Variants in FHOD3 observed in about 807,000 individuals in gnomAD.
FHOD3 encodes the protein FH1/FH2 domain-containing protein 3.
FHOD3 carries 90 observed loss-of-function variants against 173.0 expected under a neutral mutation model. That is an observed-to-expected ratio of 0.52 (90% CI 0.44 to 0.62). The LOEUF is 0.62. FHOD3 is among the 20% of genes least tolerant of loss of function. The probability of loss-of-function intolerance (pLI) is 0.00; values close to 1 mark genes in which losing one functional copy is unlikely to be tolerated. For missense variants in FHOD3, 1,945 were observed against 2,034.7 expected, an observed-to-expected ratio of 0.96 and a Z score of 0.85; for synonymous variants, 828 against 823.0, an observed-to-expected ratio of 1.01 and a Z score of -0.10.
chr18:36,445,002 T>G (rs1046302658), intron 3 of FHOD3, among the ~76,000 whole-genome samples: 1 of 152,220 alleles, frequency 6.6e-6, no homozygotes, highest in African/African-American at 2.4e-5. Flanking sequence ...CCATGTAGTT[T>G]AGATGTTTCC....
chr18:36,684,487 GTC>G (rs1157286487), intron 15 of FHOD3, among the ~76,000 whole-genome samples: 2 of 151,606 alleles, frequency 1.3e-5, no homozygotes, highest in African/African-American at 4.8e-5. Flanking sequence ...ATGAAAAGAT[GTC>G]TCTGTAAAAA....
In FHOD3 at chr18:36,748,384, CACACACACACACA is replaced by C. The variant is rs1568723999; in HGVS notation, c.4232+1250_4232+1262del. ...CACGCGCACACACACACACACACAA[CACACACACACACA>C]CACACACACACACACACACACGGAG... is the stretch of plus-strand genomic sequence containing the variant. On this transcript the variant is annotated intron_variant, in intron 24 of 28. Coordinates refer to ENST00000590592, the MANE Select transcript of FHOD3 (RefSeq NM_001281740.3). Among the ~76,000 whole-genome samples, 46 of 89,004 alleles carry C rather than the reference CACACACACACACA, an allele frequency of 5.2e-4. 1 individual carries two copies. The highest frequency in any genetic ancestry group is 1.9e-3 in the African/African-American group (43 of 22,254). The allele number at this position is 89,004 out of a possible 152,430, so 58.4% of individuals were successfully genotyped here.
At chr18:36,591,306 G>A (rs1004548489) in intron 6 of FHOD3, among the ~76,000 whole-genome samples, 3 of 152,204 alleles carry the variant, frequency 2.0e-5, no homozygotes, top group Non-Finnish European at 4.4e-5. Context: ...TGTGTGGGGA[G>A]GAGGTTACCT....
chr18:36,427,302 A>G (rs1279052538), intron 3 of FHOD3, among the ~76,000 whole-genome samples: 3 of 151,178 alleles, frequency 2.0e-5, no homozygotes, highest in Admixed American at 2.0e-4. Flanking sequence ...AAAAAAAAAA[A>G]AAAAAAAAAA....
intron 23 of FHOD3, 101 bp downstream of exon 23, chr18:36,744,294 C>G (rs1027808235): frequency 1.7e-6 from 2 of 1,165,490 alleles, no homozygotes; most frequent in African/African-American, 3.1e-5. Context: ...GTAAAATGCC[C>G]AAGTGCTGCC....
chr18:36,482,644 C>A (rs929795790), intron 3 of FHOD3, among the ~76,000 whole-genome samples: 2 of 152,138 alleles, frequency 1.3e-5, no homozygotes, highest in South Asian at 4.1e-4. Context: ...GTCTCCAAAG[C>A]AGAGTCACCA....
At position 36,589,797 on chromosome 18, in the gene FHOD3, G is replaced by A. The variant is rs551562105; in HGVS notation, c.607-4990G>A. On this transcript the variant is annotated intron_variant, in intron 6 of 28. Coordinates refer to ENST00000590592, the MANE Select transcript of FHOD3 (RefSeq NM_001281740.3). ...TGCCTGCTTGTTGCCCTGTACTCCT[G>A]TGTGACTGCTTTGTGACTGCTGTGT... Among the ~76,000 whole-genome samples, 6 of 152,170 alleles carry A rather than the reference G, an allele frequency of 3.9e-5. No homozygotes were observed. In the East Asian group the frequency reaches 1.2e-3, roughly 29 times the overall value.
At position 36,760,694 on chromosome 18, in the gene FHOD3, C is replaced by T. The variant is rs1179360206; in HGVS notation, c.4536C>T (p.Asn1512=). The T allele has an allele frequency of 1.9e-6, 3 of 1,613,264 alleles. No individual in the cohort carries two copies. The South Asian group carries it at 3.3e-5, about 18-fold the overall frequency. The change falls in exon 27 of 29, where the codon AAC becomes AAT. Residue 1512 remains asparagine (N), a synonymous_variant. Coordinates refer to ENST00000590592, the MANE Select transcript of FHOD3 (RefSeq NM_001281740.3). ...CGGAGGACGCGGCTGAGCACGAGAA[C>T]ATGAAGGCTGTGCTGAAAACCTCGT... ...SYAEDAAEHE[N]MKAVLKTSSP... is the part of the protein sequence containing the mutation.
intron 1 of FHOD3, among the ~76,000 whole-genome samples, chr18:36,317,444 G>T (rs2044183321): frequency 6.6e-6 from 1 of 152,172 alleles, no homozygotes; most frequent in Non-Finnish European, 1.5e-5. Flanking sequence ...GATTTGCATT[G>T]TGGTTTTGAT....
rs181172204 is a variant in FHOD3, at chr18:36,313,279, G to A, written c.165+15279G>A. ...TTATGGAAGAATTGCCAAAGAATTT[G>A]TGAACTTAAAAAAAACCTTCATATT... On this transcript the variant is annotated intron_variant, in intron 1 of 28. Coordinates refer to ENST00000590592, the MANE Select transcript of FHOD3 (RefSeq NM_001281740.3). Among the ~76,000 whole-genome samples, 59 of 152,238 alleles carry A rather than the reference G, an allele frequency of 3.9e-4. No homozygotes were observed. The East Asian group carries it at 9.2e-3, about 24-fold the overall frequency.
intron 5 of FHOD3, among the ~76,000 whole-genome samples, chr18:36,514,211 T>C (rs8096123): frequency 6.6e-6 from 1 of 151,412 alleles, no homozygotes; most frequent in African/African-American, 2.4e-5. Flanking sequence ...GGGTTTCACC[T>C]TGTTAGCCAG....
intron 14 of FHOD3, among the ~76,000 whole-genome samples, chr18:36,672,642 A>G (rs1410031666): frequency 6.6e-6 from 1 of 152,220 alleles, no homozygotes; most frequent in Non-Finnish European, 1.5e-5. Context: ...GCCAAAGCCA[A>G]TCACACGTTC....
intron 3 of FHOD3, among the ~76,000 whole-genome samples, chr18:36,430,319 C>T (rs1301299416): frequency 4.6e-5 from 7 of 152,138 alleles, no homozygotes; most frequent in Non-Finnish European, 8.8e-5. Flanking sequence ...CGAGTTCAAG[C>T]GATTCTCCCG....
chr18:36,411,888 T>G (rs2049370194), intron 3 of FHOD3, among the ~76,000 whole-genome samples: 1 of 152,222 alleles, frequency 6.6e-6, no homozygotes, highest in African/African-American at 2.4e-5. Context: ...TGGCTTTTTC[T>G]CTTTGGGTAG....
In FHOD3 at chr18:36,440,432, G is replaced by A. The variant is rs148025640; in HGVS notation, c.338-61500G>A. On this transcript the variant is annotated intron_variant, in intron 3 of 28. Coordinates refer to ENST00000590592, the MANE Select transcript of FHOD3 (RefSeq NM_001281740.3). ...GAGGAGCTCCTTGAAAGGGCCACAC[G>A]TCGGGGAGGGAAAGGGCGTGGGGCA... 4.9e-4 allele frequency among the ~76,000 whole-genome samples: 75 copies of A among 152,340 alleles called. No individual in the cohort carries two copies. The East Asian group carries it at 5.8e-3, about 12-fold the overall frequency.
intron 5 of FHOD3, among the ~76,000 whole-genome samples, chr18:36,544,267 C>T (rs1179245446): frequency 1.3e-5 from 2 of 152,222 alleles, no homozygotes; most frequent in Admixed American, 6.5e-5. Context: ...CACCCGATCT[C>T]CCTGAACATG....
intron 24 of FHOD3, among the ~76,000 whole-genome samples, chr18:36,754,284 G>C (rs535223698): frequency 6.6e-6 from 1 of 152,254 alleles, no homozygotes; most frequent in Non-Finnish European, 1.5e-5. Flanking sequence ...GCAAATTAGA[G>C]TGATCAAAAT....
At chr18:36,777,198 C>CTTTTTTTTTTT (rs11294880) in intron 28 of FHOD3, among the ~76,000 whole-genome samples, 11 of 108,884 alleles carry the variant, frequency 1.0e-4, no homozygotes, top group African/African-American at 1.5e-4. Flanking sequence ...TCTTCTTTTT[C>CTTTTTTTTTTT]TTTTTTTTTT....
chr18:36,722,288 C>T (rs767518735), intron 19 of FHOD3, among the ~76,000 whole-genome samples: 3 of 152,152 alleles, frequency 2.0e-5, no homozygotes, highest in Non-Finnish European at 4.4e-5. Flanking sequence ...TGACATCACC[C>T]TGGGGAGCCC....
Sources: gnomAD v4.1 joint callset for allele counts (sites outside exome capture counted in the v4.1 genomes callset) on GRCh38, gnomAD v4.1.1 for gene constraint, MANE v1.5 for transcripts, NCBI Gene and HGNC (gene_info 2026-07-23, HGNC 2026-07-21) for gene names.